Variants in PIK3C2G observed in about 807,000 individuals in gnomAD.
PIK3C2G encodes phosphatidylinositol-4-phosphate 3-kinase catalytic subunit type 2 gamma.
A neutral mutation model predicts 181.1 loss-of-function variants in PIK3C2G; 168 were observed. The ratio of observed to expected loss-of-function variants is 0.93; its 90% CI spans 0.82 to 1.05. PIK3C2G has a LOEUF of 1.05. PIK3C2G is among the 50% of genes least tolerant of loss of function. The probability of loss-of-function intolerance (pLI) is 0.00; values close to 1 mark genes in which losing one functional copy is unlikely to be tolerated. For missense variants in PIK3C2G, 1,869 were observed against 1,732.8 expected, an observed-to-expected ratio of 1.08 and a Z score of -1.40; for synonymous variants, 573 against 592.2, an observed-to-expected ratio of 0.97 and a Z score of 0.47.
chr12:18,646,118 A>AT (rs1950117258), intron 32 of PIK3C2G, among the ~76,000 whole-genome samples: 1 of 152,152 alleles, frequency 6.6e-6, no homozygotes, highest in Admixed American at 6.6e-5. Context: ...GGGTTCTGAG[A>AT]TTTTTTAAGG....
chr12:18,322,774 T>C (rs1050069322), intron 7 of PIK3C2G, among the ~76,000 whole-genome samples: 1 of 152,174 alleles, frequency 6.6e-6, no homozygotes, highest in African/African-American at 2.4e-5. Flanking sequence ...AATCATAGAA[T>C]GGCTAGGACT....
In PIK3C2G at chr12:18,488,474, G is replaced by A; in HGVS notation, c.2530G>A (p.Ala844Thr). The A allele has an allele frequency of 2.0e-6, 3 of 1,527,676 alleles. No homozygotes were observed. The highest frequency in any genetic ancestry group is 2.6e-6 in the Non-Finnish European group (3 of 1,139,522). 94.6% of individuals were successfully genotyped at this position (1,527,676 alleles called of 1,614,324 possible). The change falls in exon 19 of 33, where the codon GCT (alanine) becomes ACT (threonine). Residue 844 changes from alanine to threonine, a missense_variant. Coordinates refer to ENST00000538779, the MANE Select transcript of PIK3C2G (RefSeq NM_001288772.2). ...YWLLKNAENEAYFKSWYQKLL... is the reference protein window; with the variant it reads ...YWLLKNAENETYFKSWYQKLL... ...GCTGCTAAAAAATGCAGAAAATGAA[G>A]CTTATTTTAAAAGCTGGTATCAGAA...
At chr12:18,698,038 T>C in the PIK3C2G span, among the ~76,000 whole-genome samples, 4 of 151,460 alleles carry the variant, frequency 2.6e-5, no homozygotes, top group African/African-American at 4.9e-5. Flanking sequence ...ATTTATGCTG[T>C]GCCTACAGGT....
intron 18 of PIK3C2G, among the ~76,000 whole-genome samples, chr12:18,479,974 T>C (rs769409733): frequency 5.9e-5 from 9 of 152,136 alleles, no homozygotes; most frequent in Non-Finnish European, 1.0e-4. Context: ...TCAGGGAATG[T>C]GTTCAGCTGG....
intron 26 of PIK3C2G, 34 bp downstream of exon 26, chr12:18,546,466 C>A: frequency 9.1e-7 from 1 of 1,100,108 alleles, no homozygotes; most frequent in Non-Finnish European, 1.4e-6. Context: ...AGCATGCATG[C>A]ATGAATGTAC....
At chr12:18,330,326 A>G (rs1053684212) in intron 8 of PIK3C2G, among the ~76,000 whole-genome samples, 1 of 152,106 alleles carries the variant, frequency 6.6e-6, no homozygotes, top group African/African-American at 2.4e-5. Context: ...AATCTCTCTC[A>G]TCCCAGATTT....
At chr12:18,558,371 T>A (rs1166036798) in intron 26 of PIK3C2G, among the ~76,000 whole-genome samples, 1 of 152,198 alleles carries the variant, frequency 6.6e-6, no homozygotes, top group Non-Finnish European at 1.5e-5. Context: ...GATTGTTCAG[T>A]CATTCAACAA....
intron 23 of PIK3C2G, among the ~76,000 whole-genome samples, chr12:18,503,892 A>G (rs1592431441): frequency 6.6e-6 from 1 of 152,110 alleles, no homozygotes; most frequent in African/African-American, 2.4e-5. Flanking sequence ...CTTTTTCTCA[A>G]TGTTTACTTC....
At chr12:18,577,656 T>C (rs942079300) in intron 29 of PIK3C2G, among the ~76,000 whole-genome samples, 32 of 152,182 alleles carry the variant, frequency 2.1e-4, no homozygotes, top group African/African-American at 7.2e-4. Flanking sequence ...GAATCCTGTC[T>C]TGTTCCATAA....
chr12:18,650,308 TCTCTCTC>T (rs1270088954), downstream of PIK3C2G, among the ~76,000 whole-genome samples: 35 of 89,140 alleles, frequency 3.9e-4, no homozygotes, highest in African/African-American at 2.1e-3. Context: ...TCTCTCTCTC[TCTCTCTC>T]TCTCTCTCTC....
chr12:18,496,314 T>C (rs1363705560), intron 21 of PIK3C2G, among the ~76,000 whole-genome samples, 160 bp downstream of exon 21: 4 of 152,168 alleles, frequency 2.6e-5, no homozygotes, highest in African/African-American at 9.7e-5. Flanking sequence ...ATATAGTATG[T>C]GCCAAACTCC....
chr12:18,515,629 G>A (rs1942488346), intron 24 of PIK3C2G, among the ~76,000 whole-genome samples: 1 of 151,778 alleles, frequency 6.6e-6, no homozygotes, highest in African/African-American at 2.4e-5. Context: ...CTAGCTAAAT[G>A]TTTGTGAATT....
the PIK3C2G span, among the ~76,000 whole-genome samples, chr12:18,701,327 A>G: frequency 6.6e-6 from 1 of 152,168 alleles, no homozygotes; most frequent in Non-Finnish European, 1.5e-5. Context: ...GAAAAGAGGC[A>G]ATTTAAAAAA....
At chr12:18,477,283 G>A (rs1530619) in intron 18 of PIK3C2G, among the ~76,000 whole-genome samples, 273 of 152,204 alleles carry the variant, frequency 1.8e-3, no homozygotes, top group African/African-American at 6.2e-3. Context: ...AAACAAAAAC[G>A]TAGATTAAAC....
At chr12:18,601,092 C>T (rs1228396114) in intron 30 of PIK3C2G, among the ~76,000 whole-genome samples, 5 of 151,942 alleles carry the variant, frequency 3.3e-5, no homozygotes, top group Admixed American at 3.3e-4. Flanking sequence ...TCCATCAGCA[C>T]ACTAAAGGAA....
the PIK3C2G span, among the ~76,000 whole-genome samples, chr12:18,694,464 CAT>C: frequency 2.0e-5 from 3 of 152,176 alleles, no homozygotes; most frequent in Admixed American, 6.5e-5. Context: ...TATTCACAGA[CAT>C]ATGGGGGGAA....
At chr12:18,669,818 T>C in the PIK3C2G span, among the ~76,000 whole-genome samples, 1 of 152,056 alleles carries the variant, frequency 6.6e-6, no homozygotes, top group East Asian at 1.9e-4. Flanking sequence ...CCACCATGCC[T>C]GGCTAATTTT....
At chr12:18,523,075 A>G (rs1035560269) in intron 24 of PIK3C2G, among the ~76,000 whole-genome samples, 3 of 151,768 alleles carry the variant, frequency 2.0e-5, no homozygotes, top group African/African-American at 7.3e-5. Flanking sequence ...CTTTATCTCT[A>G]GAATTTTTAC....
intron 30 of PIK3C2G, 46 bp downstream of exon 30, chr12:18,594,615 A>C: frequency 1.0e-6 from 1 of 996,100 alleles, no homozygotes; most frequent in East Asian, 2.9e-5. Flanking sequence ...TTTCAAAATA[A>C]TTGGACAAAA....
Sources: allele counts gnomAD v4.1 joint callset (sites outside exome capture counted in the v4.1 genomes callset), GRCh38; gene constraint gnomAD v4.1.1; transcripts MANE v1.5; gene names NCBI Gene and HGNC (gene_info 2026-07-23, HGNC 2026-07-21).